Variants in NLRP10 observed in about 807,000 individuals in gnomAD.
NLRP10 encodes the protein NACHT, LRR and PYD domains-containing protein 10.
In NLRP10, 7 loss-of-function variants were observed where a neutral mutation model predicts 8.2. That is an observed-to-expected ratio of 0.85 (90% CI 0.48 to 1.60). The LOEUF is 1.60. Ranked by LOEUF, NLRP10 falls within the 40% of genes most tolerant of loss-of-function variation. NLRP10 has a pLI of 0.00. For synonymous variants in NLRP10, 338 were observed against 314.0 expected, an observed-to-expected ratio of 1.08 and a Z score of -0.81; for missense variants, 814 against 776.3, an observed-to-expected ratio of 1.05 and a Z score of -0.58.
At chr11:7,962,608 C>G (rs1001974870) in intron 2 of NLRP10, among the ~76,000 whole-genome samples, 1 of 152,136 alleles carries the variant, frequency 6.6e-6, no homozygotes, top group Non-Finnish European at 1.5e-5. Flanking sequence ...AGCCATGACT[C>G]TGGGTCCATG....
chr11:7,960,374 A>G lies in NLRP10; in HGVS notation c.1238T>C (p.Leu413Pro), dbSNP rs573983209. 352 of 1,614,116 alleles carry G rather than the reference A, an allele frequency of 2.2e-4. 7 individuals carry two copies. The South Asian group carries it at 3.6e-3, about 16-fold the overall frequency. Residue 413 changes from leucine to proline, a missense_variant, in exon 3 of 3, where the codon CTG becomes CCG. Coordinates refer to ENST00000691676, the MANE Select transcript of NLRP10 (RefSeq NM_001391958.1). ...ELSRHRVLRS[L>P]CSLAAEGIQH... ...AATCCCTTCAGCTGCTAGGGAGCAC[A>G]GACTCCTCAGGACCCTGTGCCGGGA...
chr11:7,962,894 C>G (rs1253877359), intron 2 of NLRP10, among the ~76,000 whole-genome samples: 3 of 152,200 alleles, frequency 2.0e-5, no homozygotes, highest in Non-Finnish European at 4.4e-5. Flanking sequence ...GTGGAAATCC[C>G]TTCACCAACA....
intron 2 of NLRP10, among the ~76,000 whole-genome samples, chr11:7,962,437 C>T (rs556594572): frequency 2.0e-5 from 3 of 151,894 alleles, no homozygotes; most frequent in East Asian, 1.9e-4. Context: ...GGGGTTTCAC[C>T]GTGTTAGCCA....
Position 7,960,463 on chromosome 11 carries a change from G to A in NLRP10, c.1149C>T (p.Asp383=), listed in dbSNP as rs576568808. 2.5e-6 allele frequency: 4 copies of A among 1,614,116 alleles called. No homozygotes were observed. Among genetic ancestry groups the A allele is most frequent in the Non-Finnish European group, 3.4e-6 (4 of 1,180,032 alleles). The part of the protein sequence containing the change: ...VVLETPRNST[D]IFMAYVSTFL... ...AGGTGGAGACGTAAGCCATGAAGAT[G>A]TCAGTGCTGTTTCTAGGTGTCTCTA... The change falls in exon 3 of 3, where the codon GAC becomes GAT. Residue 383 remains aspartate (D), a synonymous_variant. Transcript: ENST00000691676.
rs759478163 is a variant in NLRP10, at chr11:7,960,401, A to G, written c.1211T>C (p.Leu404Pro). The change falls in exon 3 of 3, where the codon CTT (leucine) becomes CCT (proline). Residue 404 changes from leucine (L) to proline (P), a missense_variant. Coordinates refer to ENST00000691676, the MANE Select transcript of NLRP10 (RefSeq NM_001391958.1). ...ACTCCTCAGGACCCTGTGCCGGGAA[A>G]GCTCGGAGCAGCCCCCATCATCATC... ...PPDDDGGCSE[L>P]SRHRVLRSLC... 6.2e-7 allele frequency: 1 copy of G among 1,614,032 alleles called. No homozygotes were observed. Among genetic ancestry groups the G allele is most frequent in the Non-Finnish European group, 8.5e-7 (1 of 1,180,030 alleles).
Position 7,960,732 on chromosome 11 carries a change from G to T in NLRP10, c.880C>A (p.Pro294Thr), listed in dbSNP as rs767510719. The T allele has an allele frequency of 6.2e-7, 1 of 1,614,184 alleles. No individual in the cohort carries two copies. The highest frequency in any genetic ancestry group is 1.1e-5 in the South Asian group (1 of 91,080). ...PTCSLLITTR[P>T]LALRNLEPLL... ...GGCTCCAGATTCCTCAAAGCCAGGG[G>T]CCGGGTGGTGATGAGAAGGGAGCAC... Residue 294 changes from proline to threonine, a missense_variant, in exon 3 of 3, where the codon CCC becomes ACC. By Grantham distance (38) the Pro-to-Thr change is conservative. Transcript: ENST00000691676.
In NLRP10 at chr11:7,960,696, G is replaced by T; in HGVS notation, c.916C>A (p.Gln306Lys). 6.2e-7 allele frequency: 1 copy of T among 1,614,212 alleles called. No individual in the cohort carries two copies. Among genetic ancestry groups the T allele is most frequent in the Non-Finnish European group, 8.5e-7 (1 of 1,180,036 alleles). The change falls in exon 3 of 3, where the codon CAA becomes AAA. Residue 306 changes from glutamine (Q) to lysine (K), a missense_variant. By Grantham distance (53) the Gln-to-Lys change is moderately conservative. Coordinates refer to ENST00000691676, the MANE Select transcript of NLRP10 (RefSeq NM_001391958.1). ...CCTAGGATATGGACATGACGTGCTTGTTTCAGCAAGGGCTCCAGATTCCTC... is the reference window on the plus strand; with the variant it reads ...CCTAGGATATGGACATGACGTGCTTTTTTCAGCAAGGGCTCCAGATTCCTC... ...ALRNLEPLLK[Q>K]ARHVHILGFS... is the part of the protein sequence containing the mutation.
chr11:7,958,395 G>C lies in NLRP10; in HGVS notation c.*1249C>G, dbSNP rs112238119. Among the ~76,000 whole-genome samples, 1,027 of 152,282 alleles carry C rather than the reference G, an allele frequency of 6.7e-3. 12 individuals carry two copies. Among genetic ancestry groups the C allele is most frequent in the African/African-American group, 0.023 (973 of 41,542 alleles). On this transcript the variant is annotated 3_prime_UTR_variant, in exon 3 of 3. Coordinates refer to ENST00000691676, the MANE Select transcript of NLRP10 (RefSeq NM_001391958.1). The stretch of plus-strand genomic sequence containing the variant: ...CCTAACAAGCATTTAGTGTTGCCAG[G>C]ATTTGGGATGTTAGCCATTCTAACA...
rs1399044985 is a variant in NLRP10, at chr11:7,960,234, T to C, written c.1378A>G (p.Lys460Glu). 2 of 1,614,144 alleles carry C rather than the reference T, an allele frequency of 1.2e-6. No individual in the cohort carries two copies. The highest frequency in any genetic ancestry group is 1.7e-6 in the Non-Finnish European group (2 of 1,180,020). Residue 460 changes from lysine (K) to glutamate (E), a missense_variant, in exon 3 of 3, where the codon AAG becomes GAG. Physicochemically the swap from Lys to Glu is moderately conservative, Grantham distance 56. Transcript: ENST00000691676. ...CTGATGTGGCGGAAGCTGTAGAACT[T>C]CTTGATGGCAAGTCCCAATTGGTAG... ...NDYQLGLAIK[K>E]FYSFRHISFQ...
rs1236745673 is a variant in NLRP10 at position 7,958,367 on chromosome 11, C to T, written c.*1277G>A. The stretch of plus-strand genomic sequence containing the variant: ...AATGAATAAGGCTCCCACTACTCCA[C>T]ATCCTAACAAGCATTTAGTGTTGCC... On this transcript the variant is annotated 3_prime_UTR_variant, in exon 3 of 3. Coordinates refer to ENST00000691676, the MANE Select transcript of NLRP10 (RefSeq NM_001391958.1). 6.6e-6 allele frequency among the ~76,000 whole-genome samples: 1 copy of T among 152,232 alleles called. No individual in the cohort carries two copies. Among genetic ancestry groups the T allele is most frequent in the Non-Finnish European group, 1.5e-5 (1 of 68,036 alleles).
In NLRP10 at chr11:7,959,481, T is replaced by C. The variant is rs1239354749; in HGVS notation, c.*163A>G. 5 of 518,788 alleles carry C rather than the reference T, an allele frequency of 9.6e-6. No individual in the cohort carries two copies. Among genetic ancestry groups the C allele is most frequent in the East Asian group, 9.5e-5 (3 of 31,720 alleles). The allele number at this position is 518,788 out of a possible 1,614,324, so 32.1% of individuals were successfully genotyped here. A position where few individuals can be genotyped will look rare whatever the true frequency, so the allele number is the denominator to read the frequency against. ...TGCTGGGATCTTGATTGGGATTGCATTGAATCTACAGATCAAACTGGGGAA... is the reference window on the plus strand; with the variant it reads ...TGCTGGGATCTTGATTGGGATTGCACTGAATCTACAGATCAAACTGGGGAA... On this transcript the variant is annotated 3_prime_UTR_variant, in exon 3 of 3. Transcript: ENST00000691676.
chr11:7,959,441 G>A lies in NLRP10; in HGVS notation c.*203C>T, dbSNP rs1941675287. 2 of 481,350 alleles carry A rather than the reference G, an allele frequency of 4.2e-6. No individual in the cohort carries two copies. The highest frequency in any genetic ancestry group is 2.0e-5 in the African/African-American group (1 of 49,620). 29.8% of individuals were successfully genotyped at this position (481,350 alleles called of 1,614,324 possible). Reference sequence around the variant, plus strand: ...TAAACATTAGAATCATCTTATCAATGTCCACAAAGTTATTTGCTGGGATCT... The same window carrying A: ...TAAACATTAGAATCATCTTATCAATATCCACAAAGTTATTTGCTGGGATCT... On this transcript the variant is annotated 3_prime_UTR_variant, in exon 3 of 3. Coordinates refer to ENST00000691676, the MANE Select transcript of NLRP10 (RefSeq NM_001391958.1).
At position 7,962,396 on chromosome 11, in the gene NLRP10, C is replaced by T. The variant is rs185866734; in HGVS notation, c.289+811G>A. ...GACCACAGGCGCACGCCACCATGCC[C>T]GGCTAATTTTTTTGTATTTTTAGTA... On this transcript the variant is annotated intron_variant, in intron 2 of 2. Transcript: ENST00000691676. 8.1e-3 allele frequency among the ~76,000 whole-genome samples: 1,235 copies of T among 151,908 alleles called. 14 individuals carry two copies. Among genetic ancestry groups the T allele is most frequent in the African/African-American group, 0.029 (1,183 of 41,418 alleles).
rs748282676 is a variant in NLRP10, at chr11:7,960,406, G to A, written c.1206C>T (p.Ser402=). The A allele has an allele frequency of 3.6e-5, 58 of 1,613,866 alleles. 1 individual carries two copies. The South Asian group carries it at 5.2e-4, about 14-fold the overall frequency. Residue 402 remains serine (S), a synonymous_variant, in exon 3 of 3, where the codon TCC becomes TCT. Coordinates refer to ENST00000691676, the MANE Select transcript of NLRP10 (RefSeq NM_001391958.1). ...TCAGGACCCTGTGCCGGGAAAGCTC[G>A]GAGCAGCCCCCATCATCATCGGGCG... ...FLPPDDDGGC[S]ELSRHRVLRS... is the part of the protein sequence containing the mutation.
Position 7,959,804 on chromosome 11 carries a change from G to GA in NLRP10, c.1807dup (p.Ser603PhefsTer11). The GA allele has an allele frequency of 6.2e-7, 1 of 1,614,010 alleles. No individual in the cohort carries two copies. On this transcript the variant is annotated frameshift_variant, in exon 3 of 3. Coordinates refer to ENST00000691676, the MANE Select transcript of NLRP10 (RefSeq NM_001391958.1). LOFTEE classifies it low-confidence loss of function (END_TRUNC). ...TCCATGACTCAAGCTGCTTTTGACA[G>GA]AAAATAAATTCTGGCTCTGTGATTT...
rs1473074669 is a variant in NLRP10 at position 7,957,612 on chromosome 11, C to T, written c.*2032G>A. Among the ~76,000 whole-genome samples the T allele has an allele frequency of 6.6e-6, 1 of 151,944 alleles. No homozygotes were observed. The highest frequency in any genetic ancestry group is 1.5e-5 in the Non-Finnish European group (1 of 67,956). On this transcript the variant is annotated 3_prime_UTR_variant, in exon 3 of 3. Transcript: ENST00000691676. ...AACTTTTTTTAAATACAGAAAGTTC[C>T]TATATACCCTCTCCACCACCACCAC...
chr11:7,960,080 G>A lies in NLRP10; in HGVS notation c.1532C>T (p.Thr511Ile), dbSNP rs1420086762. 2 of 1,613,928 alleles carry A rather than the reference G, an allele frequency of 1.2e-6. No individual in the cohort carries two copies. Among genetic ancestry groups the A allele is most frequent in the African/African-American group, 1.3e-5 (1 of 74,868 alleles). Reference protein sequence around the residue: ...VKEQEGNDEMTLTMQFLLDIS... With the variant: ...VKEQEGNDEMILTMQFLLDIS... ...GTCCAGTAAAAACTGCATAGTGAGG[G>A]TCATCTCATCATTCCCTTCCTGCTC... The change falls in exon 3 of 3, where the codon ACC becomes ATC. Residue 511 changes from threonine (T) to isoleucine (I), a missense_variant. Physicochemically the swap from Thr to Ile is moderately conservative, Grantham distance 89. Transcript: ENST00000691676.
chr11:7,963,782 ATCTC>A (rs113386745), intron 1 of NLRP10: 3 of 300,520 alleles, frequency 1.0e-5, no homozygotes, highest in African/African-American at 6.8e-5. Context: ...TAATCTCTCA[ATCTC>A]TCTCTCTCTC....
rs776782676 is a variant in NLRP10 at position 7,960,312 on chromosome 11, T to C, written c.1300A>G (p.Arg434Gly). 6.2e-6 allele frequency: 10 copies of C among 1,614,196 alleles called. No homozygotes were observed. The South Asian group carries it at 1.1e-4, about 18-fold the overall frequency. Residue 434 changes from arginine (R) to glycine (G), a missense_variant, in exon 3 of 3, where the codon AGG (arginine) becomes GGG (glycine). Arg to Gly is a moderately radical substitution (Grantham distance 125). Transcript: ENST00000691676. ...QRFLFEEAELRKHNLDGPRLA... is the reference protein window; with the variant it reads ...QRFLFEEAELGKHNLDGPRLA... ...CTGGGGCCATCTAAATTATGTTTCC[T>C]GAGCTCAGCTTCTTCAAATAGGAAC...
Sources: allele counts gnomAD v4.1 joint callset (sites outside exome capture counted in the v4.1 genomes callset), GRCh38; gene constraint gnomAD v4.1.1; transcripts MANE v1.5; gene names NCBI Gene and HGNC (gene_info 2026-07-23, HGNC 2026-07-21).